Variants in PLCL1 observed in about 807,000 individuals in gnomAD.
PLCL1 encodes the protein inactive phospholipase C-like protein 1.
A neutral mutation model predicts 84.4 loss-of-function variants in PLCL1; 41 were observed. The observed-to-expected ratio is 0.49, with a 90% CI of 0.38 to 0.63. PLCL1 has a LOEUF of 0.63. Ranked by LOEUF, PLCL1 falls within the 30% of genes least tolerant of loss-of-function variation. PLCL1 has a pLI of 0.00. For missense variants in PLCL1, 1,206 were observed against 1,367.8 expected, an observed-to-expected ratio of 0.88 and a Z score of 1.87; for synonymous variants, 490 against 488.3, an observed-to-expected ratio of 1.00 and a Z score of -0.05.
At chr2:198,100,053 A>C (rs1693293738) in intron 3 of PLCL1, among the ~76,000 whole-genome samples, 1 of 152,206 alleles carries the variant, frequency 6.6e-6, no homozygotes, top group Non-Finnish European at 1.5e-5. Context: ...GAGTTCAAAA[A>C]GATAATTACA....
intron 1 of PLCL1, among the ~76,000 whole-genome samples, chr2:197,849,222 A>G (rs1559024310): frequency 6.6e-6 from 1 of 152,110 alleles, no homozygotes; most frequent in Non-Finnish European, 1.5e-5. Context: ...ATTCTGTCAT[A>G]TGTGTAATTG....
At chr2:197,951,790 C>T (rs539865300) in intron 1 of PLCL1, among the ~76,000 whole-genome samples, 3 of 152,072 alleles carry the variant, frequency 2.0e-5, no homozygotes, top group Non-Finnish European at 2.9e-5. Flanking sequence ...CAAAATAATT[C>T]TGAGGTTTAA....
intron 1 of PLCL1, among the ~76,000 whole-genome samples, chr2:197,887,005 C>T (rs1303731419): frequency 2.6e-5 from 4 of 152,118 alleles, no homozygotes; most frequent in African/African-American, 9.7e-5. Flanking sequence ...TGAGTATAGC[C>T]ATGCAAAGAA....
chr2:198,104,108 G>A (rs764249239), intron 5 of PLCL1, among the ~76,000 whole-genome samples, 172 bp downstream of exon 5: 1 of 151,792 alleles, frequency 6.6e-6, no homozygotes, highest in Non-Finnish European at 1.5e-5. Flanking sequence ...GTGTCGCGGG[G>A]GGCTGGAGTG....
intron 1 of PLCL1, among the ~76,000 whole-genome samples, chr2:198,079,382 A>G (rs1361509464): frequency 1.3e-5 from 2 of 152,034 alleles, no homozygotes; most frequent in Non-Finnish European, 2.9e-5. Context: ...ACAGTAGTAG[A>G]TAAGCAACAG....
At chr2:197,951,454 G>T (rs138741585) in intron 1 of PLCL1, among the ~76,000 whole-genome samples, 1 of 152,060 alleles carries the variant, frequency 6.6e-6, no homozygotes, top group Non-Finnish European at 1.5e-5. Flanking sequence ...ATTTTCAAGC[G>T]TATTAGAAAA....
intron 1 of PLCL1, among the ~76,000 whole-genome samples, chr2:198,024,899 C>A (rs1173850743): frequency 6.6e-6 from 1 of 151,910 alleles, no homozygotes; most frequent in East Asian, 1.9e-4. Flanking sequence ...TAACATAATT[C>A]CTAATGATAC....
At chr2:197,838,759 A>G (rs1459270731) in intron 1 of PLCL1, among the ~76,000 whole-genome samples, 1 of 152,204 alleles carries the variant, frequency 6.6e-6, no homozygotes, top group African/African-American at 2.4e-5. Flanking sequence ...GGGAATTTGC[A>G]GAAAAACTGA....
At chr2:197,995,969 G>C (rs1374136428) in intron 1 of PLCL1, among the ~76,000 whole-genome samples, 5 of 152,192 alleles carry the variant, frequency 3.3e-5, no homozygotes, top group African/African-American at 1.2e-4. Context: ...GGAGAAACAA[G>C]TGCCTCTGCA....
At chr2:198,053,672 A>C (rs992015037) in intron 1 of PLCL1, among the ~76,000 whole-genome samples, 1 of 152,192 alleles carries the variant, frequency 6.6e-6, no homozygotes, top group Non-Finnish European at 1.5e-5. Flanking sequence ...TCGGTAATCT[A>C]GCTGTGAGCT....
intron 1 of PLCL1, among the ~76,000 whole-genome samples, chr2:198,014,208 G>T (rs1690938003): frequency 6.6e-6 from 1 of 152,074 alleles, no homozygotes; most frequent in South Asian, 2.1e-4. Context: ...ATAATTCTCT[G>T]GCTGTCTTAG....
At chr2:197,943,802 T>C (rs567768088) in intron 1 of PLCL1, among the ~76,000 whole-genome samples, 1 of 152,268 alleles carries the variant, frequency 6.6e-6, no homozygotes, top group African/African-American at 2.4e-5. Flanking sequence ...AATGTCTAAG[T>C]CTTCTAATAT....
At chr2:197,998,301 A>G (rs1238300669) in intron 1 of PLCL1, among the ~76,000 whole-genome samples, 1 of 151,798 alleles carries the variant, frequency 6.6e-6, no homozygotes, top group Non-Finnish European at 1.5e-5. Flanking sequence ...ATAAGAAATG[A>G]TAACTGGGAA....
chr2:198,084,238 T>A lies in PLCL1; in HGVS notation c.721T>A (p.Phe241Ile). 6.2e-7 allele frequency: 1 copy of A among 1,614,030 alleles called. No homozygotes were observed. Among genetic ancestry groups the A allele is most frequent in the Non-Finnish European group, 8.5e-7 (1 of 1,179,964 alleles). Residue 241 changes from phenylalanine to isoleucine, a missense_variant, in exon 2 of 6, where the codon TTC becomes ATC. Coordinates refer to ENST00000428675, the MANE Select transcript of PLCL1 (RefSeq NM_006226.4). ...GGAGGGCAACCAGAACACACCACGG[T>A]TCATGTGGTTGAAAACAGTGTTTGA... ...FMEGNQNTPR[F>I]MWLKTVFEAA...
rs530828261 is a variant in PLCL1, at chr2:197,910,377, G to C, written c.240+105038G>C. On this transcript the variant is annotated intron_variant, in intron 1 of 5. Coordinates refer to ENST00000428675, the MANE Select transcript of PLCL1 (RefSeq NM_006226.4). ...GGACCATCTTGTCCTACTTGGGCAG[G>C]AATTAGTAGACACTCAACAAATATT... Among the ~76,000 whole-genome samples the C allele has an allele frequency of 4.6e-5, 7 of 152,324 alleles. No individual in the cohort carries two copies. In the South Asian group the frequency reaches 1.4e-3, roughly 32 times the overall value.
rs137947665 is a variant in PLCL1 at position 197,923,985 on chromosome 2, G to A, written c.240+118646G>A. On this transcript the variant is annotated intron_variant, in intron 1 of 5. Transcript: ENST00000428675. ...GGCCCGGCCAACACAGCGAAACCCC[G>A]TCTCCACCAAGACCAGTCAGGCGTG... 4.2e-3 allele frequency among the ~76,000 whole-genome samples: 631 copies of A among 151,824 alleles called. 45 individuals carry two copies. In the East Asian group the frequency reaches 0.11, roughly 25 times the overall value.
Position 197,805,073 on chromosome 2 carries a change from C to A in PLCL1, c.-27C>A. ...TCCGCTGCCGGGCGTCCCGCTTTCC[C>A]CCGGGGAGCCCTAAACGCTCCAGGC... On this transcript the variant is annotated 5_prime_UTR_variant, in exon 1 of 6. Coordinates refer to ENST00000428675, the MANE Select transcript of PLCL1 (RefSeq NM_006226.4). This position sits in a 1 kb window ranked among gnomAD's most constrained non-coding sequence, Gnocchi z 4.0. 7.0e-7 allele frequency: 1 copy of A among 1,423,174 alleles called. No individual in the cohort carries two copies. Among genetic ancestry groups the A allele is most frequent in the South Asian group, 1.4e-5 (1 of 69,714 alleles). 88.2% of individuals were successfully genotyped at this position (1,423,174 alleles called of 1,614,324 possible). A position where few individuals can be genotyped will look rare whatever the true frequency, so the allele number is the denominator to read the frequency against.
chr2:198,137,128 C>A (rs774382550), intron 5 of PLCL1, among the ~76,000 whole-genome samples: 1 of 151,824 alleles, frequency 6.6e-6, no homozygotes, highest in African/African-American at 2.4e-5. Flanking sequence ...ATGTAATGTA[C>A]CTAAATTAAA....
intron 3 of PLCL1, among the ~76,000 whole-genome samples, chr2:198,099,492 A>C (rs1349208275): frequency 6.6e-6 from 1 of 152,156 alleles, no homozygotes; most frequent in African/African-American, 2.4e-5. Flanking sequence ...AATTCTCAAT[A>C]CAATAGAAGC....
Sources: allele counts gnomAD v4.1 joint callset (sites outside exome capture counted in the v4.1 genomes callset), GRCh38; gene constraint gnomAD v4.1.1; non-coding constraint Gnocchi (gnomAD v3.1); transcripts MANE v1.5; gene names NCBI Gene and HGNC (gene_info 2026-07-23, HGNC 2026-07-21).